SUGCT: variants seen among roughly 807,000 people sequenced by gnomAD.
SUGCT encodes the protein succinyl-CoA:glutarate CoA-transferase.
Under a neutral mutation model 55.0 loss-of-function variants are expected in SUGCT, and 41 were observed. The observed-to-expected ratio is 0.74, with a 90% CI of 0.58 to 0.97. The LOEUF (loss-of-function observed/expected upper bound fraction) is 0.97, where lower values mean the gene tolerates loss of function less well. Among genes scored for constraint, SUGCT ranks in the 50% least tolerant of loss-of-function variants. SUGCT has a pLI of 0.00. For missense variants in SUGCT, 568 were observed against 547.8 expected, an observed-to-expected ratio of 1.04 and a Z score of -0.37; for synonymous variants, 187 against 200.4, an observed-to-expected ratio of 0.93 and a Z score of 0.56.
At chr7:40,990,211 A>G in the SUGCT span, among the ~76,000 whole-genome samples, 1 of 152,356 alleles carries the variant, frequency 6.6e-6, no homozygotes, top group Admixed American at 6.5e-5. Flanking sequence ...GTTAGCAGGC[A>G]CAAAAACGAC....
At chr7:40,684,635 T>C (rs932088148) in intron 12 of SUGCT, among the ~76,000 whole-genome samples, 3 of 152,198 alleles carry the variant, frequency 2.0e-5, no homozygotes, top group African/African-American at 7.2e-5. Context: ...ATTTTAGACA[T>C]TTATTCTGTT....
At chr7:40,198,635 C>T (rs899879063) in intron 6 of SUGCT, among the ~76,000 whole-genome samples, 10 of 142,584 alleles carry the variant, frequency 7.0e-5, no homozygotes, top group African/African-American at 1.2e-4. Context: ...CCGAGGCGGG[C>T]GGATCACCTG....
intron 11 of SUGCT, among the ~76,000 whole-genome samples, chr7:40,484,160 TATTTATTG>T (rs1791205914): frequency 6.6e-6 from 1 of 152,192 alleles, no homozygotes; most frequent in Non-Finnish European, 1.5e-5. Flanking sequence ...CAATGAATTT[TATTTATTG>T]ATTTATTGAT....
chr7:40,359,808 G>C (rs1798061186), intron 9 of SUGCT, among the ~76,000 whole-genome samples: 1 of 152,154 alleles, frequency 6.6e-6, no homozygotes, highest in South Asian at 2.1e-4. Flanking sequence ...GTGTTGGAGA[G>C]TGGAAATGGT....
intron 6 of SUGCT, among the ~76,000 whole-genome samples, chr7:40,217,753 A>G (rs1359086225): frequency 6.6e-6 from 1 of 152,208 alleles, no homozygotes; most frequent in Non-Finnish European, 1.5e-5. Context: ...ATTAATGACT[A>G]TACCAGGTTA....
the SUGCT span, among the ~76,000 whole-genome samples, chr7:40,947,674 C>T: frequency 6.6e-6 from 1 of 152,104 alleles, no homozygotes; most frequent in African/African-American, 2.4e-5. Flanking sequence ...AGTGAATTTC[C>T]TGAACTAATT....
the SUGCT span, among the ~76,000 whole-genome samples, chr7:41,032,891 G>A: frequency 6.6e-6 from 1 of 152,214 alleles, no homozygotes; most frequent in South Asian, 2.1e-4. Context: ...AGCCTCCTGA[G>A]TAGCTGGGAC....
intron 12 of SUGCT, among the ~76,000 whole-genome samples, chr7:40,563,706 T>A (rs906363357): frequency 1.3e-5 from 2 of 151,544 alleles, no homozygotes; most frequent in African/African-American, 4.9e-5. Flanking sequence ...AGAGCAATAC[T>A]GTCTCTAATG....
intron 9 of SUGCT, among the ~76,000 whole-genome samples, chr7:40,394,868 C>A (rs1785636017): frequency 6.6e-6 from 1 of 152,164 alleles, no homozygotes; most frequent in Non-Finnish European, 1.5e-5. Flanking sequence ...AACAGGAGTT[C>A]CTTCTTTTTA....
At chr7:40,317,513 T>C (rs964517084) in intron 9 of SUGCT, among the ~76,000 whole-genome samples, 4 of 152,246 alleles carry the variant, frequency 2.6e-5, no homozygotes, top group Non-Finnish European at 4.4e-5. Context: ...TCTGCATATC[T>C]CCTGTACTCT....
At chr7:40,840,559 G>A (rs1793225589) in intron 13 of SUGCT, among the ~76,000 whole-genome samples, 1 of 151,384 alleles carries the variant, frequency 6.6e-6, no homozygotes, top group Admixed American at 6.6e-5. Context: ...AGTTAAAGCA[G>A]TACTGTGAGG....
chr7:40,821,518 T>G (rs1223343900), intron 13 of SUGCT, among the ~76,000 whole-genome samples: 3 of 152,248 alleles, frequency 2.0e-5, no homozygotes, highest in African/African-American at 7.2e-5. Context: ...CAGGAAGTTA[T>G]CCATTTCTTC....
At chr7:40,448,493 G>GT (rs1788985697) in intron 9 of SUGCT, among the ~76,000 whole-genome samples, 1 of 151,482 alleles carries the variant, frequency 6.6e-6, no homozygotes, top group Admixed American at 6.6e-5. Flanking sequence ...GACAAATGTT[G>GT]TAACAGTGGA....
chr7:41,032,161 C>A, the SUGCT span, among the ~76,000 whole-genome samples: 2 of 152,252 alleles, frequency 1.3e-5, no homozygotes, highest in Non-Finnish European at 2.9e-5. Context: ...CAAATACACA[C>A]AACAAAAGAA....
chr7:40,604,803 C>T (rs968370347), intron 12 of SUGCT, among the ~76,000 whole-genome samples: 2 of 152,190 alleles, frequency 1.3e-5, no homozygotes, highest in African/African-American at 4.8e-5. Context: ...CACCTTTGCC[C>T]TCTCCCTATT....
At chr7:40,881,211 T>A in the SUGCT span, among the ~76,000 whole-genome samples, 6 of 152,318 alleles carry the variant, frequency 3.9e-5, no homozygotes, top group African/African-American at 1.4e-4. Context: ...TCATGACCCA[T>A]CAGCCAAAGC....
At chr7:40,746,758 C>T (rs775569117) in intron 12 of SUGCT, among the ~76,000 whole-genome samples, 3 of 152,276 alleles carry the variant, frequency 2.0e-5, no homozygotes, top group South Asian at 4.1e-4. Context: ...TACCCTTTCA[C>T]GTTTGACACT....
the SUGCT span, among the ~76,000 whole-genome samples, chr7:40,901,837 T>A: frequency 6.6e-6 from 1 of 152,288 alleles, no homozygotes; most frequent in South Asian, 2.1e-4. Context: ...TTGGATATAT[T>A]TTAAGATTCC....
chr7:40,668,981 A>G (rs1562936320), intron 12 of SUGCT, among the ~76,000 whole-genome samples: 1 of 152,190 alleles, frequency 6.6e-6, no homozygotes, highest in Non-Finnish European at 1.5e-5. Flanking sequence ...TAGGACTTTC[A>G]TCTCTGCCAG....
Sources: allele counts gnomAD v4.1 joint callset (sites outside exome capture counted in the v4.1 genomes callset), GRCh38; gene constraint gnomAD v4.1.1; transcripts MANE v1.5; gene names NCBI Gene and HGNC (gene_info 2026-07-23, HGNC 2026-07-21).